The following PTPRT variants were observed in gnomAD, a reference collection of about 807,000 sequenced individuals.
The protein encoded by PTPRT is receptor-type tyrosine-protein phosphatase T.
A neutral mutation model predicts 176.8 loss-of-function variants in PTPRT; 56 were observed. The observed-to-expected ratio is 0.32, with a 90% CI of 0.26 to 0.40. PTPRT has a LOEUF of 0.40. Among genes scored for constraint, PTPRT ranks in the 10% least tolerant of loss-of-function variants. The pLI is 1.00. For synonymous variants in PTPRT, 783 were observed against 739.0 expected, an observed-to-expected ratio of 1.06 and a Z score of -0.96; for missense variants, 1,540 against 1,908.2, an observed-to-expected ratio of 0.81 and a Z score of 3.60.
chr20:42,589,940 C>T (rs1166485144), intron 7 of PTPRT, among the ~76,000 whole-genome samples: 1 of 152,070 alleles, frequency 6.6e-6, no homozygotes, highest in Non-Finnish European at 1.5e-5. Flanking sequence ...CTTGTCACTC[C>T]CCACCAGGAG....
At chr20:42,572,305 C>T (rs978992362) in intron 7 of PTPRT, among the ~76,000 whole-genome samples, 2 of 152,144 alleles carry the variant, frequency 1.3e-5, no homozygotes. Flanking sequence ...ACGTTCAGAC[C>T]ATAGCACATC....
At chr20:42,559,607 G>A (rs529968325) in intron 7 of PTPRT, among the ~76,000 whole-genome samples, 13 of 152,220 alleles carry the variant, frequency 8.5e-5, no homozygotes, top group Admixed American at 3.9e-4. Context: ...TACAGGGCAC[G>A]GCATGACATT....
chr20:42,091,514 T>C (rs1465586945), intron 27 of PTPRT, among the ~76,000 whole-genome samples: 4 of 152,144 alleles, frequency 2.6e-5, no homozygotes, highest in African/African-American at 7.2e-5. Context: ...AGTAATATCA[T>C]CACGTTAGAA....
rs2073654442 is a variant in PTPRT at position 42,595,455 on chromosome 20, G to C, written c.1153+82411C>G. ...TACGGTCAAATGTCCTCTGGTGAGA[G>C]GGTAGCAAAATGGCCCCTGGTTAAG... On this transcript the variant is annotated intron_variant, in intron 7 of 30. Transcript: ENST00000373187. Among the ~76,000 whole-genome samples, 4 of 152,192 alleles carry C rather than the reference G, an allele frequency of 2.6e-5. No homozygotes were observed. The South Asian group carries it at 8.3e-4, about 32-fold the overall frequency.
At chr20:42,053,780 C>T in the PTPRT span, among the ~76,000 whole-genome samples, 4 of 152,180 alleles carry the variant, frequency 2.6e-5, no homozygotes, top group Non-Finnish European at 5.9e-5. Context: ...TTTGCATATT[C>T]GGTTAGCATT....
chr20:42,356,754 C>T (rs892281796), intron 9 of PTPRT, among the ~76,000 whole-genome samples: 1 of 152,140 alleles, frequency 6.6e-6, no homozygotes, highest in South Asian at 2.1e-4. Flanking sequence ...TTTCCCAGAG[C>T]TCTCAGGATG....
At chr20:43,080,454 T>G (rs1182878404) in intron 1 of PTPRT, among the ~76,000 whole-genome samples, 2 of 152,214 alleles carry the variant, frequency 1.3e-5, no homozygotes, top group Non-Finnish European at 2.9e-5. Flanking sequence ...CTATTTTTAT[T>G]TTTCTCTGGG....
In PTPRT at chr20:42,161,520, A is replaced by G. The variant is rs35071062; in HGVS notation, c.2514T>C (p.Leu838=). ...TCTGGATCGTGAGGGTGGGCTGGGAAAGCTCCCCGCGGCTGCCATCTGCTT... is the reference window on the plus strand; with the variant it reads ...TCTGGATCGTGAGGGTGGGCTGGGAGAGCTCCCCGCGGCTGCCATCTGCTT... The part of the protein sequence containing the change: ...NGFTDGSRGE[L]SQPTLTIQTH... The change falls in exon 17 of 31, where the codon CTT becomes CTC. Residue 838 remains leucine (L), a synonymous_variant. Coordinates refer to ENST00000373187, the MANE Select transcript of PTPRT (RefSeq NM_007050.6). 5.4e-3 allele frequency: 8,715 copies of G among 1,611,532 alleles called. 333 individuals carry two copies. In the African/African-American group the frequency reaches 0.094, roughly 17 times the overall value.
intron 8 of PTPRT, among the ~76,000 whole-genome samples, chr20:42,450,041 CTTCTCTGGGGCCATACAT>C (rs1183624367): frequency 6.6e-6 from 1 of 152,112 alleles, no homozygotes; most frequent in African/African-American, 2.4e-5. Flanking sequence ...AAATTGCAGG[CTTCTCTGGGGCCATACAT>C]TTCTCTGGGG....
intron 7 of PTPRT, among the ~76,000 whole-genome samples, chr20:42,633,784 A>AAAATATATATATAT (rs1437724208): frequency 3.7e-5 from 2 of 53,382 alleles, no homozygotes; most frequent in African/African-American, 1.9e-4. Context: ...AGACTCTGAA[A>AAAATATATATATAT]ATATATATAT....
intron 1 of PTPRT, among the ~76,000 whole-genome samples, chr20:43,072,421 G>T (rs1326026357): frequency 6.6e-6 from 1 of 152,058 alleles, no homozygotes; most frequent in African/African-American, 2.4e-5. Flanking sequence ...CTCAAAGTAG[G>T]TTTGCAGGCC....
intron 2 of PTPRT, among the ~76,000 whole-genome samples, chr20:42,860,905 T>A (rs1425571055): frequency 6.6e-6 from 1 of 152,304 alleles, no homozygotes; most frequent in Middle Eastern, 3.4e-3. Flanking sequence ...ATCCTTATAT[T>A]TTTAGGATAT....
chr20:43,176,794 T>C (rs1353302404), intron 1 of PTPRT, among the ~76,000 whole-genome samples: 1 of 152,206 alleles, frequency 6.6e-6, no homozygotes, highest in Non-Finnish European at 1.5e-5. Flanking sequence ...AGTCCTTAAA[T>C]AGATGCCCAG....
intron 4 of PTPRT, among the ~76,000 whole-genome samples, chr20:42,774,425 A>G (rs1429336917): frequency 1.3e-5 from 2 of 152,156 alleles, no homozygotes; most frequent in African/African-American, 4.8e-5. Flanking sequence ...ACTTAAATTC[A>G]GCAGAGGAAG....
chr20:43,129,429 C>A (rs2013567296), intron 1 of PTPRT, among the ~76,000 whole-genome samples: 1 of 152,204 alleles, frequency 6.6e-6, no homozygotes, highest in South Asian at 2.1e-4. Flanking sequence ...GTGCACATCG[C>A]GTGGCTAGTG....
chr20:42,067,880 A>C (rs1334721819), downstream of PTPRT, among the ~76,000 whole-genome samples: 1 of 152,160 alleles, frequency 6.6e-6, no homozygotes, highest in Non-Finnish European at 1.5e-5. Flanking sequence ...CTGAAAGCAA[A>C]ACCTTAAACG....
At chr20:42,775,088 G>A (rs940989091) in intron 4 of PTPRT, among the ~76,000 whole-genome samples, 27 of 152,266 alleles carry the variant, frequency 1.8e-4, no homozygotes, top group Non-Finnish European at 2.4e-4. Context: ...CCATCGGCTC[G>A]TGGTTCTAAG....
At chr20:43,046,964 A>G (rs991691748) in intron 1 of PTPRT, among the ~76,000 whole-genome samples, 3 of 152,228 alleles carry the variant, frequency 2.0e-5, no homozygotes, top group East Asian at 1.9e-4. Context: ...TAGGGCGGCC[A>G]GGAATAATTC....
At chr20:42,317,036 C>T (rs1232570363) in intron 11 of PTPRT, among the ~76,000 whole-genome samples, 4 of 152,224 alleles carry the variant, frequency 2.6e-5, no homozygotes, top group African/African-American at 9.6e-5. Context: ...ACCCCCACCC[C>T]ATACTGCCCA....
Sources: gnomAD v4.1 joint callset for allele counts (sites outside exome capture counted in the v4.1 genomes callset) on GRCh38, gnomAD v4.1.1 for gene constraint, MANE v1.5 for transcripts, NCBI Gene and HGNC (gene_info 2026-07-23, HGNC 2026-07-21) for gene names.